The following RABGAP1 variants were observed in gnomAD, a reference collection of about 807,000 sequenced individuals.
RABGAP1 encodes the protein RAB GTPase activating protein 1.
In RABGAP1, 23 loss-of-function variants were observed where a neutral mutation model predicts 137.6. The observed-to-expected ratio is 0.17, with a 90% confidence interval of 0.12 to 0.24. The LOEUF (loss-of-function observed/expected upper bound fraction) is 0.24, where lower values mean the gene tolerates loss of function less well. RABGAP1 is among the 10% of genes least tolerant of loss of function. The pLI is 1.00. For synonymous variants in RABGAP1, 451 were observed against 450.7 expected (o/e 1.00, Z -0.01); for missense variants, 906 against 1,275.8 (o/e 0.71, Z 4.42).
At position 123,008,113 on chromosome 9, in the gene RABGAP1, A is replaced by G. The variant is rs527930833; in HGVS notation, c.1375-2241A>G. On this transcript the variant is annotated intron_variant, in intron 10 of 25. Transcript: ENST00000373647. ...GTACTATTACCCAGCTTCAACAATT[A>G]ACATTTTTCATAGTTAGAGTCCTTG... is the stretch of plus-strand genomic sequence containing the variant. Among the ~76,000 whole-genome samples the G allele has an allele frequency of 3.3e-5, 5 of 152,256 alleles. No individual in the cohort carries two copies. The South Asian group carries it at 1.0e-3, about 32-fold the overall frequency.
At chr9:123,017,905 C>T (rs780828742) in intron 12 of RABGAP1, among the ~76,000 whole-genome samples, 5 of 152,272 alleles carry the variant, frequency 3.3e-5, no homozygotes, top group African/African-American at 7.2e-5. Flanking sequence ...AACACAGTCA[C>T]GGCTGATCCC....
chr9:123,068,464 ATGGAT>A (rs1233827039), intron 14 of RABGAP1, among the ~76,000 whole-genome samples: 1 of 152,184 alleles, frequency 6.6e-6, no homozygotes, highest in African/African-American at 2.4e-5. Flanking sequence ...AAAACTGTTA[ATGGAT>A]ATCTTCAAAG....
intron 13 of RABGAP1, chr9:123,034,588 A>C (rs2032506163): frequency 3.7e-6 from 6 of 1,607,442 alleles, no homozygotes; most frequent in Non-Finnish European, 4.2e-6. Flanking sequence ...CTTGGATGGT[A>C]ATCAGAGCAG....
At position 122,998,692 on chromosome 9, in the gene RABGAP1, T is replaced by C. The variant is rs752001105; in HGVS notation, c.1300T>C (p.Ser434Pro). The change falls in exon 10 of 26, where the codon TCA becomes CCA. Residue 434 changes from serine to proline, a missense_variant. Transcript: ENST00000373647. ...FLLETKVRVCSPNERLFWPFS... is the reference protein window; with the variant it reads ...FLLETKVRVCPPNERLFWPFS... Reference sequence around the variant, plus strand: ...CCTGGAGACAAAAGTCCGCGTTTGCTCACCTAATGAAAGATTATTCTGGCC... The same window carrying C: ...CCTGGAGACAAAAGTCCGCGTTTGCCCACCTAATGAAAGATTATTCTGGCC... 1.2e-6 allele frequency: 2 copies of C among 1,612,902 alleles called. No individual in the cohort carries two copies. The highest frequency in any genetic ancestry group is 1.7e-6 in the Non-Finnish European group (2 of 1,178,974).
intron 13 of RABGAP1, among the ~76,000 whole-genome samples, chr9:123,041,468 A>G (rs995178390): frequency 1.3e-5 from 2 of 152,196 alleles, no homozygotes; most frequent in East Asian, 1.9e-4. Flanking sequence ...TTCAAATCCA[A>G]TTCTTTGACT....
intron 2 of RABGAP1, among the ~76,000 whole-genome samples, chr9:122,964,576 C>G (rs1835033985): frequency 6.6e-6 from 1 of 152,108 alleles, no homozygotes; most frequent in South Asian, 2.1e-4. Flanking sequence ...AACATTTCAA[C>G]CTGATAAAGG....
chr9:122,957,184 GTGA>G lies in RABGAP1; in HGVS notation c.132_134del (p.Asp44del). On this transcript the variant is annotated inframe_deletion, in exon 2 of 26. Coordinates refer to ENST00000373647, the MANE Select transcript of RABGAP1 (RefSeq NM_012197.4). ...GAGACACCATCTACAAATAATGGAA[GTGA>G]TGATGAGAAAACAGGACTCAAGGTA... 1 of 1,552,978 alleles carries G rather than the reference GTGA, an allele frequency of 6.4e-7. No homozygotes were observed. Among genetic ancestry groups the G allele is most frequent in the Non-Finnish European group, 8.8e-7 (1 of 1,138,340 alleles).
At chr9:122,932,689 C>G in the RABGAP1 span, among the ~76,000 whole-genome samples, 3 of 152,018 alleles carry the variant, frequency 2.0e-5, no homozygotes, top group Admixed American at 6.6e-5. Context: ...GCCACCACAC[C>G]GGGCTAATTT....
At chr9:122,944,504 C>G (rs1833822518) in intron 1 of RABGAP1, among the ~76,000 whole-genome samples, 1 of 151,798 alleles carries the variant, frequency 6.6e-6, no homozygotes, top group South Asian at 2.1e-4. Context: ...TGACAACACT[C>G]TTAAATAATC....
intron 10 of RABGAP1, among the ~76,000 whole-genome samples, chr9:123,004,883 C>T (rs2030070964): frequency 6.6e-6 from 1 of 151,458 alleles, no homozygotes; most frequent in South Asian, 2.1e-4. Context: ...ATGGCGAAAC[C>T]CTGTCTCTAT....
At position 123,057,144 on chromosome 9, in the gene RABGAP1, T is replaced by G. The variant is rs530201374; in HGVS notation, c.1795-8204T>G. Among the ~76,000 whole-genome samples, 1,323 of 145,348 alleles carry G rather than the reference T, an allele frequency of 9.1e-3. 9 individuals carry two copies. Among genetic ancestry groups the G allele is most frequent in the African/African-American group, 0.032 (1,250 of 38,938 alleles). On this transcript the variant is annotated intron_variant, in intron 13 of 25. Transcript: ENST00000373647. Reference sequence around the variant, plus strand: ...TCCCTCCCGGACGGGGCGGCTGGCCTGGCGGGGGCTGACCCCCACCTCCCT... The same window carrying G: ...TCCCTCCCGGACGGGGCGGCTGGCCGGGCGGGGGCTGACCCCCACCTCCCT...
chr9:123,090,415 C>A (rs2034999839), intron 21 of RABGAP1, 30 bp downstream of exon 21: 1 of 1,501,444 alleles, frequency 6.7e-7, no homozygotes, highest in Admixed American at 1.9e-5. Flanking sequence ...AGGGAAAGAT[C>A]TCACTGAGAC....
At chr9:122,954,524 A>G (rs1400938530) in intron 1 of RABGAP1, among the ~76,000 whole-genome samples, 1 of 152,216 alleles carries the variant, frequency 6.6e-6, no homozygotes, top group Non-Finnish European at 1.5e-5. Flanking sequence ...TGTAATTACC[A>G]AAGTACATTG....
At chr9:123,014,399 G>C (rs2031059133) in intron 11 of RABGAP1, among the ~76,000 whole-genome samples, 1 of 152,050 alleles carries the variant, frequency 6.6e-6, no homozygotes, top group Non-Finnish European at 1.5e-5. Context: ...AATTTAGAAA[G>C]TCATAAAAAC....
At chr9:123,078,092 ATTTTGGGCCTT>A (rs1410312819) in intron 19 of RABGAP1, among the ~76,000 whole-genome samples, 1 of 152,180 alleles carries the variant, frequency 6.6e-6, no homozygotes, top group Non-Finnish European at 1.5e-5. Context: ...AGTGGATATG[ATTTTGGGCCTT>A]TAGGAGGCAG....
intron 13 of RABGAP1, among the ~76,000 whole-genome samples, chr9:123,043,857 T>G (rs1056948079): frequency 3.3e-5 from 5 of 152,098 alleles, no homozygotes; most frequent in Non-Finnish European, 7.4e-5. Flanking sequence ...CATTGTAAGC[T>G]TTGTACTGTT....
At chr9:122,948,316 G>A (rs1834048825) in intron 1 of RABGAP1, among the ~76,000 whole-genome samples, 1 of 152,096 alleles carries the variant, frequency 6.6e-6, no homozygotes, top group Non-Finnish European at 1.5e-5. Context: ...GGGAGAGGAT[G>A]GAGATAGGGA....
chr9:122,986,137 G>GTTA, intron 3 of RABGAP1, 78 bp from the exon 4 acceptor site: 1 of 1,336,946 alleles, frequency 7.5e-7, no homozygotes, highest in Non-Finnish European at 1.1e-6. Flanking sequence ...AATGTTACTT[G>GTTA]CAGATTTTTA....
chr9:122,968,994 C>T (rs1835325620), intron 2 of RABGAP1, among the ~76,000 whole-genome samples: 1 of 152,106 alleles, frequency 6.6e-6, no homozygotes, highest in Admixed American at 6.5e-5. Context: ...CTTATTCTTT[C>T]TAACTATGAT....
Sources: allele counts gnomAD v4.1 joint callset (sites outside exome capture counted in the v4.1 genomes callset), GRCh38; gene constraint gnomAD v4.1.1; transcripts MANE v1.5; gene names NCBI Gene and HGNC (gene_info 2026-07-23, HGNC 2026-07-21).